LRMDA: variants seen among roughly 807,000 people sequenced by gnomAD.
The protein encoded by LRMDA is leucine rich melanocyte differentiation associated, also known as leucine-rich melanocyte differentiation-associated protein.
LRMDA carries 18 observed loss-of-function variants against 29.8 expected under a neutral mutation model. That is an observed-to-expected ratio of 0.60 (90% CI 0.42 to 0.90). The LOEUF is 0.90. LRMDA is among the 40% of genes least tolerant of loss of function. LRMDA has a pLI of 0.00. For synonymous variants in LRMDA, 125 were observed against 109.4 expected (o/e 1.14, Z -0.89); for missense variants, 273 against 273.9 (o/e 1.00, Z 0.02).
intron 2 of LRMDA, among the ~76,000 whole-genome samples, chr10:75,585,642 A>G (rs1840647195): frequency 6.6e-6 from 1 of 152,164 alleles, no homozygotes; most frequent in Non-Finnish European, 1.5e-5. Context: ...ACTTGGCACT[A>G]TTTATTTATT....
chr10:76,142,292 G>A (rs540125334), intron 5 of LRMDA, among the ~76,000 whole-genome samples: 1 of 152,038 alleles, frequency 6.6e-6, no homozygotes, highest in Non-Finnish European at 1.5e-5. Flanking sequence ...CATTTACATA[G>A]TCTTAAAAAT....
intron 6 of LRMDA, among the ~76,000 whole-genome samples, chr10:76,448,294 AT>A (rs1422846470): frequency 6.6e-6 from 1 of 152,062 alleles, no homozygotes; most frequent in African/African-American, 2.4e-5. Context: ...TTCAAAAGCA[AT>A]TTTTTTAACA....
intron 5 of LRMDA, among the ~76,000 whole-genome samples, chr10:76,296,292 G>T (rs773510737): frequency 3.9e-5 from 6 of 152,216 alleles, no homozygotes; most frequent in Non-Finnish European, 7.3e-5. Context: ...TGAGGCCAAG[G>T]TTGCACGTTT....
At chr10:76,236,180 CA>C (rs1852148569) in intron 5 of LRMDA, among the ~76,000 whole-genome samples, 1 of 152,184 alleles carries the variant, frequency 6.6e-6, no homozygotes, top group African/African-American at 2.4e-5. Context: ...AGCCTGATGC[CA>C]TCCTCACAGG....
At chr10:75,946,278 T>A (rs1846474514) in intron 2 of LRMDA, among the ~76,000 whole-genome samples, 1 of 152,206 alleles carries the variant, frequency 6.6e-6, no homozygotes, top group Non-Finnish European at 1.5e-5. Context: ...AGGTTACCAA[T>A]TCTCCGCTGT....
intron 2 of LRMDA, among the ~76,000 whole-genome samples, chr10:75,497,784 A>G (rs2132066424): frequency 6.6e-6 from 1 of 152,248 alleles, no homozygotes; most frequent in East Asian, 1.9e-4. Flanking sequence ...TGTATGTACC[A>G]GTAGTTTGGT....
At chr10:75,475,532 G>A (rs1844780411) in intron 2 of LRMDA, among the ~76,000 whole-genome samples, 1 of 152,194 alleles carries the variant, frequency 6.6e-6, no homozygotes, top group African/African-American at 2.4e-5. Context: ...AGTAGTCTTT[G>A]CTAAAGAAAC....
At position 75,976,560 on chromosome 10, in the gene LRMDA, C is replaced by T. The variant is rs118153347; in HGVS notation, c.132-59448C>T. On this transcript the variant is annotated intron_variant, in intron 2 of 6. Transcript: ENST00000611255. ...ACCTTGTTCTTTCAATCCTATGCCC[C>T]CTGCACCTGGCAGAGGGGCTGAACC... Among the ~76,000 whole-genome samples the T allele has an allele frequency of 5.8e-4, 88 of 152,298 alleles. No homozygotes were observed. The East Asian group carries it at 0.012, about 20-fold the overall frequency.
intron 6 of LRMDA, among the ~76,000 whole-genome samples, chr10:76,479,601 A>G (rs1438181373): frequency 6.6e-6 from 1 of 151,882 alleles, no homozygotes; most frequent in African/African-American, 2.4e-5. Context: ...AAATGCCCTG[A>G]TGAGAAACAC....
chr10:76,128,674 A>C (rs1477223723), intron 5 of LRMDA, among the ~76,000 whole-genome samples: 1 of 152,170 alleles, frequency 6.6e-6, no homozygotes, highest in Non-Finnish European at 1.5e-5. Flanking sequence ...CTCTTCTCCC[A>C]TCTGTGAAGA....
intron 5 of LRMDA, among the ~76,000 whole-genome samples, chr10:76,228,396 A>G (rs1852000589): frequency 6.6e-6 from 1 of 152,168 alleles, no homozygotes; most frequent in Non-Finnish European, 1.5e-5. Context: ...TGGCATTGTA[A>G]TAGACGGAGT....
At chr10:75,436,588 C>G (rs980673136) in intron 1 of LRMDA, among the ~76,000 whole-genome samples, 42 of 152,084 alleles carry the variant, frequency 2.8e-4, no homozygotes, top group African/African-American at 1.0e-3. Flanking sequence ...CTACCCTAGC[C>G]TCCTGAGTAG....
intron 6 of LRMDA, among the ~76,000 whole-genome samples, chr10:76,369,506 A>G (rs1283955659): frequency 1.3e-5 from 2 of 152,138 alleles, no homozygotes; most frequent in Non-Finnish European, 2.9e-5. Flanking sequence ...GTTTTCCTTT[A>G]TAGGTTACCT....
intron 2 of LRMDA, chr10:75,450,244 A>G (rs1281408748): frequency 6.6e-6 from 1 of 152,132 alleles, no homozygotes; most frequent in Non-Finnish European, 1.5e-5. Flanking sequence ...AGAGAGAGAC[A>G]CACACATGTT....
chr10:76,403,970 A>G (rs1330279793), intron 6 of LRMDA, among the ~76,000 whole-genome samples: 1 of 152,134 alleles, frequency 6.6e-6, no homozygotes, highest in East Asian at 1.9e-4. Flanking sequence ...AAACAGATGC[A>G]GGATGCCTGG....
chr10:75,944,313 C>G (rs541216006), intron 2 of LRMDA, among the ~76,000 whole-genome samples: 111 of 152,056 alleles, frequency 7.3e-4, no homozygotes, highest in African/African-American at 2.6e-3. Context: ...TATCATTTTT[C>G]TTTGCTTTTA....
intron 6 of LRMDA, among the ~76,000 whole-genome samples, chr10:76,433,550 C>G (rs1227582073): frequency 3.9e-5 from 6 of 152,242 alleles, no homozygotes; most frequent in East Asian, 1.9e-4. Context: ...AGTATTGATG[C>G]CTGTCACTTT....
chr10:76,140,952 C>A (rs968050192), intron 5 of LRMDA, among the ~76,000 whole-genome samples: 2 of 152,062 alleles, frequency 1.3e-5, no homozygotes, highest in African/African-American at 4.8e-5. Context: ...CCAACCAACT[C>A]TCCTAAAAAT....
At chr10:75,588,814 C>A (rs1840686528) in intron 2 of LRMDA, among the ~76,000 whole-genome samples, 1 of 151,990 alleles carries the variant, frequency 6.6e-6, no homozygotes, top group African/African-American at 2.4e-5. Flanking sequence ...TATGTATAAG[C>A]AAGCATATTA....
Sources: allele counts gnomAD v4.1 joint callset (sites outside exome capture counted in the v4.1 genomes callset), GRCh38; gene constraint gnomAD v4.1.1; transcripts MANE v1.5; gene names NCBI Gene and HGNC (gene_info 2026-07-23, HGNC 2026-07-21).